Variants in BRD4 observed in about 807,000 individuals in gnomAD.
The protein encoded by BRD4 is bromodomain containing 4.
In BRD4, 16 loss-of-function variants were observed where a neutral mutation model predicts 142.1. The observed-to-expected ratio is 0.11, with a 90% CI of 0.08 to 0.17. The LOEUF (loss-of-function observed/expected upper bound fraction) is 0.17, where lower values mean the gene tolerates loss of function less well. BRD4 is among the 10% of genes least tolerant of loss of function. The pLI is 1.00. For missense variants in BRD4, 1,424 were observed against 1,810.9 expected (o/e 0.79, Z 3.88); for synonymous variants, 833 against 707.5 (o/e 1.18, Z -2.82).
intron 1 of BRD4, chr19:15,275,890 G>A (rs1158874675): frequency 6.6e-6 from 1 of 152,220 alleles, no homozygotes; most frequent in Non-Finnish European, 1.5e-5. Flanking sequence ...CTACTCGGGA[G>A]GCCGAGGCCG....
At chr19:15,251,102 G>A (rs188462060) in intron 11 of BRD4, among the ~76,000 whole-genome samples, 61 of 152,322 alleles carry the variant, frequency 4.0e-4, no homozygotes, top group African/African-American at 1.4e-3. Flanking sequence ...TGGGGCAGAG[G>A]GTGGGGAATA....
chr19:15,317,313 A>C (rs1416132816), intron 1 of BRD4, among the ~76,000 whole-genome samples: 1 of 152,206 alleles, frequency 6.6e-6, no homozygotes, highest in African/African-American at 2.4e-5. Flanking sequence ...AGTGTGCTCA[A>C]GCTCAGGGTC....
chr19:15,301,314 G>A (rs2047865543), intron 1 of BRD4, among the ~76,000 whole-genome samples: 1 of 152,328 alleles, frequency 6.6e-6, no homozygotes, highest in South Asian at 2.1e-4. Context: ...TGTAATCCCA[G>A]CACTTTGGGA....
At chr19:15,326,154 A>G (rs1397914079) in intron 1 of BRD4, among the ~76,000 whole-genome samples, 1 of 102,832 alleles carries the variant, frequency 9.7e-6, no homozygotes, top group Non-Finnish European at 1.9e-5. Flanking sequence ...ATGTAGCATT[A>G]AAAAAAAAAA....
chr19:15,309,193 C>T (rs891812152), intron 1 of BRD4, among the ~76,000 whole-genome samples: 18 of 151,372 alleles, frequency 1.2e-4, no homozygotes, highest in Admixed American at 1.1e-3. Context: ...ATTAGCCAGG[C>T]GTGGTGGTGG....
intron 1 of BRD4, among the ~76,000 whole-genome samples, chr19:15,304,441 A>G (rs1027232813): frequency 9.9e-5 from 15 of 152,186 alleles, no homozygotes; most frequent in Admixed American, 9.2e-4. Flanking sequence ...TTTCATTTCT[A>G]TAATAAATGC....
At chr19:15,262,127 C>T (rs189568337) in intron 7 of BRD4, among the ~76,000 whole-genome samples, 38 of 152,116 alleles carry the variant, frequency 2.5e-4, no homozygotes, top group Admixed American at 2.5e-3. Flanking sequence ...GGCTGCTATG[C>T]TGGGGAGTCT....
At chr19:15,253,665 T>G in intron 11 of BRD4, 1 of 1,598,250 alleles carries the variant, frequency 6.3e-7, no homozygotes, top group African/African-American at 1.3e-5. Context: ...GCTGGCCAGC[T>G]GCAGTCTGCT....
At chr19:15,311,639 T>C (rs1383420374) in intron 1 of BRD4, among the ~76,000 whole-genome samples, 1 of 141,090 alleles carries the variant, frequency 7.1e-6, no homozygotes, top group African/African-American at 2.6e-5. Context: ...AAAAATACAT[T>C]AAAAAAAAAA....
At chr19:15,303,431 G>C (rs928675918) in intron 1 of BRD4, among the ~76,000 whole-genome samples, 1 of 152,104 alleles carries the variant, frequency 6.6e-6, no homozygotes, top group Non-Finnish European at 1.5e-5. Flanking sequence ...AGACGGTTAG[G>C]CAACACAGTG....
intron 1 of BRD4, among the ~76,000 whole-genome samples, chr19:15,291,044 T>G (rs2145667121): frequency 6.6e-6 from 1 of 152,124 alleles, no homozygotes; most frequent in East Asian, 1.9e-4. Flanking sequence ...CCCAAGTCAA[T>G]GGGTTATGGT....
chr19:15,323,751 AAG>A (rs2048084697), intron 1 of BRD4, among the ~76,000 whole-genome samples: 1 of 152,150 alleles, frequency 6.6e-6, no homozygotes. Context: ...GGAACAAATA[AAG>A]AGTTTCAGCC....
intron 1 of BRD4, among the ~76,000 whole-genome samples, chr19:15,313,373 T>TA (rs33991091): frequency 0.016 from 1,582 of 99,950 alleles, 25 homozygotes; most frequent in African/African-American, 0.025. Flanking sequence ...ACTCCATCTT[T>TA]AAAAAAAAAA....
Position 15,239,314 on chromosome 19 carries a change from G to T in BRD4, c.3577-50C>A. The T allele has an allele frequency of 6.2e-7, 1 of 1,614,020 alleles. No homozygotes were observed. The highest frequency in any genetic ancestry group is 8.5e-7 in the Non-Finnish European group (1 of 1,180,016). The stretch of plus-strand genomic sequence containing the variant: ...GGTGAGGGGTCTGCTGTGCCTAAAG[G>T]GCATAGCTGGGGGTGTGCCCAGCAT... On this transcript the variant is annotated intron_variant, in intron 17 of 19. Transcript: ENST00000679869. The surrounding 1 kb of genome is among the most constrained non-coding windows in gnomAD (Gnocchi z 7.4).
intron 1 of BRD4, among the ~76,000 whole-genome samples, chr19:15,312,738 C>T (rs577173648): frequency 6.6e-6 from 1 of 151,638 alleles, no homozygotes; most frequent in Non-Finnish European, 1.5e-5. Flanking sequence ...GAGTTCTAGA[C>T]CAGCCTGGCC....
At chr19:15,259,375 C>T (rs1483010522) in intron 7 of BRD4, among the ~76,000 whole-genome samples, 2 of 152,204 alleles carry the variant, frequency 1.3e-5, no homozygotes, top group African/African-American at 4.8e-5. Flanking sequence ...CCTTGTTCCT[C>T]CCCACCAGGT....
chr19:15,314,974 A>G (rs1288604074), intron 1 of BRD4, among the ~76,000 whole-genome samples: 2 of 152,226 alleles, frequency 1.3e-5, no homozygotes, highest in Admixed American at 6.5e-5. Context: ...AGAACCCAGG[A>G]GCCCAGGGTG....
intron 1 of BRD4, among the ~76,000 whole-genome samples, chr19:15,287,991 A>C (rs1231613419): frequency 1.3e-5 from 2 of 150,004 alleles, no homozygotes; most frequent in Non-Finnish European, 3.0e-5. Flanking sequence ...CTGATCTCAA[A>C]CTCCTGACTT....
At chr19:15,286,702 T>C (rs1185784632) in intron 1 of BRD4, among the ~76,000 whole-genome samples, 1 of 152,196 alleles carries the variant, frequency 6.6e-6, no homozygotes, top group Non-Finnish European at 1.5e-5. Context: ...TCCATAAAAC[T>C]TGCAGCTGAA....
Sources: gnomAD v4.1 joint callset for allele counts (sites outside exome capture counted in the v4.1 genomes callset) on GRCh38, gnomAD v4.1.1 for gene constraint, Gnocchi (gnomAD v3.1) non-coding constraint, MANE v1.5 for transcripts, NCBI Gene and HGNC (gene_info 2026-07-23, HGNC 2026-07-21) for gene names.